ATF7IP: variants seen among roughly 807,000 people sequenced by gnomAD.
ATF7IP encodes activating transcription factor 7-interacting protein 1.
In ATF7IP, 23 loss-of-function variants were observed where a neutral mutation model predicts 106.4. The ratio of observed to expected loss-of-function variants is 0.22; its 90% CI spans 0.16 to 0.31. The LOEUF is 0.31. Among genes scored for constraint, ATF7IP ranks in the 10% least tolerant of loss-of-function variants. ATF7IP has a pLI of 1.00. For missense variants in ATF7IP, 1,334 were observed against 1,524.3 expected (o/e 0.88, Z 2.08); for synonymous variants, 542 against 539.0 (o/e 1.01, Z -0.08).
chr12:14,384,896 C>G (rs1475817897), intron 1 of ATF7IP, among the ~76,000 whole-genome samples: 3 of 145,156 alleles, frequency 2.1e-5, no homozygotes, highest in Non-Finnish European at 3.0e-5. Context: ...AGGCCTTGAG[C>G]AAGGTTTAAC....
intron 1 of ATF7IP, among the ~76,000 whole-genome samples, chr12:14,378,255 G>A (rs1461295535): frequency 6.6e-6 from 1 of 151,764 alleles, no homozygotes; most frequent in Non-Finnish European, 1.5e-5. Context: ...ATGCCACCAC[G>A]CCCAGCTAAT....
At chr12:14,415,961 C>G (rs1027945100) in intron 1 of ATF7IP, among the ~76,000 whole-genome samples, 1 of 152,074 alleles carries the variant, frequency 6.6e-6, no homozygotes, top group Non-Finnish European at 1.5e-5. Context: ...CCCACAAATA[C>G]TGATGGACAT....
intron 13 of ATF7IP, among the ~76,000 whole-genome samples, chr12:14,491,307 G>A (rs1044362573): frequency 2.6e-5 from 4 of 152,120 alleles, no homozygotes; most frequent in African/African-American, 7.2e-5. Context: ...TCCACTAGAC[G>A]TTGTGCTTAT....
At chr12:14,490,615 T>C (rs1431858766) in intron 13 of ATF7IP, among the ~76,000 whole-genome samples, 1 of 152,132 alleles carries the variant, frequency 6.6e-6, no homozygotes, top group Non-Finnish European at 1.5e-5. Flanking sequence ...GGTGCCTGCA[T>C]ATGGTGCAGA....
intron 1 of ATF7IP, among the ~76,000 whole-genome samples, chr12:14,383,978 T>C (rs1939107460): frequency 6.6e-6 from 1 of 152,164 alleles, no homozygotes; most frequent in Non-Finnish European, 1.5e-5. Flanking sequence ...AGTTGTTACA[T>C]ACATTATTCA....
At chr12:14,410,072 A>G (rs1227155094) in intron 1 of ATF7IP, among the ~76,000 whole-genome samples, 1 of 152,060 alleles carries the variant, frequency 6.6e-6, no homozygotes, top group Non-Finnish European at 1.5e-5. Context: ...TTAGCAGCCA[A>G]CCGTTATTTC....
chr12:14,399,340 G>C (rs1836533442), intron 1 of ATF7IP, among the ~76,000 whole-genome samples: 1 of 147,204 alleles, frequency 6.8e-6, no homozygotes. Context: ...TGAGGATATT[G>C]TTTTTTTTTT....
At chr12:14,448,272 G>A (rs1943063357) in intron 6 of ATF7IP, among the ~76,000 whole-genome samples, 1 of 152,152 alleles carries the variant, frequency 6.6e-6, no homozygotes. Context: ...CTTCCCCTGA[G>A]TGGTGAAATC....
rs779806858 is a variant in ATF7IP at position 14,425,462 on chromosome 12, C to T, written c.1547C>T (p.Thr516Met). 5.8e-6 allele frequency: 9 copies of T among 1,550,680 alleles called. No individual in the cohort carries two copies. The highest frequency in any genetic ancestry group is 4.2e-5 in the African/African-American group (3 of 72,248). Residue 516 changes from threonine (T) to methionine (M), a missense_variant, in exon 2 of 15, where the codon ACG (threonine) becomes ATG (methionine). Coordinates refer to ENST00000261168, the MANE Select transcript of ATF7IP (RefSeq NM_018179.5). ...TCTGAAGTTATATCGCAAAATGAAA[C>T]GTGCTCTCCAGGTTAGCATATAACT... ...DESEVISQNETCSPAEVESNE... is the reference protein window; with the variant it reads ...DESEVISQNEMCSPAEVESNE...
chr12:14,493,383 A>G (rs987384796), intron 13 of ATF7IP, among the ~76,000 whole-genome samples: 18 of 152,336 alleles, frequency 1.2e-4, no homozygotes, highest in African/African-American at 2.4e-5. Context: ...TAGTGTAGTT[A>G]TACATCTAGA....
At chr12:14,469,378 A>G (rs768618332) in intron 10 of ATF7IP, among the ~76,000 whole-genome samples, 1 of 151,432 alleles carries the variant, frequency 6.6e-6, no homozygotes, top group African/African-American at 2.4e-5. Flanking sequence ...AAAAAAAAAA[A>G]AAAAACTTGG....
chr12:14,479,397 A>G (rs1266533673), intron 12 of ATF7IP, among the ~76,000 whole-genome samples: 1 of 152,166 alleles, frequency 6.6e-6, no homozygotes, highest in African/African-American at 2.4e-5. Flanking sequence ...TAAACTGTTC[A>G]GAAACCAATC....
intron 1 of ATF7IP, among the ~76,000 whole-genome samples, chr12:14,370,447 CA>C (rs991074160): frequency 4.4e-4 from 67 of 152,242 alleles, no homozygotes; most frequent in African/African-American, 1.5e-3. Context: ...TACCCACTCA[CA>C]ATTCTATTTT....
chr12:14,497,836 T>C lies in ATF7IP; in HGVS notation c.3576T>C (p.Thr1192=), dbSNP rs776951503. The stretch of plus-strand genomic sequence containing the variant: ...TGGAGGTGGATCGAAGCTGTGCCAC[T>C]GTTGATAGCTACCATCTCTATGCTT... The part of the protein sequence containing the change: ...SVLEVDRSCA[T]VDSYHLYAYH... Residue 1192 remains threonine (T), a synonymous_variant, in exon 15 of 15, where the codon ACT becomes ACC. Transcript: ENST00000261168. The C allele has an allele frequency of 6.2e-7, 1 of 1,614,158 alleles. No individual in the cohort carries two copies. Among genetic ancestry groups the C allele is most frequent in the East Asian group, 2.2e-5 (1 of 44,866 alleles).
At chr12:14,495,886 G>A (rs1317794253) in intron 13 of ATF7IP, among the ~76,000 whole-genome samples, 1 of 152,122 alleles carries the variant, frequency 6.6e-6, no homozygotes, top group Non-Finnish European at 1.5e-5. Context: ...AGTTCTCCTG[G>A]TAACGATCCA....
chr12:14,481,600 T>C, intron 13 of ATF7IP: 1 of 435,882 alleles, frequency 2.3e-6, no homozygotes, highest in Admixed American at 2.7e-5. Flanking sequence ...TTATTTTTCT[T>C]CCCTTAGGAG....
Position 14,475,876 on chromosome 12 carries a change from GT to G in ATF7IP, c.2863-10del, listed in dbSNP as rs773667374. The G allele has an allele frequency of 2.5e-6, 4 of 1,599,478 alleles. No homozygotes were observed. The highest frequency in any genetic ancestry group is 3.4e-6 in the Non-Finnish European group (4 of 1,174,674). ...AGAGTTTTCTTTGTAAAATGTAGAA[GT>G]TTTGTTTTTCAGTGTGGAAAAGCCA... On this transcript the variant is annotated splice_polypyrimidine_tract_variant and intron_variant, in intron 10 of 14. Coordinates refer to ENST00000261168, the MANE Select transcript of ATF7IP (RefSeq NM_018179.5).
At chr12:14,372,089 ACT>A (rs1340264266) in intron 1 of ATF7IP, among the ~76,000 whole-genome samples, 1 of 151,942 alleles carries the variant, frequency 6.6e-6, no homozygotes, top group Non-Finnish European at 1.5e-5. Flanking sequence ...CTTTAGTGGA[ACT>A]CTCTTTTAAA....
At chr12:14,383,849 A>T (rs985137638) in intron 1 of ATF7IP, among the ~76,000 whole-genome samples, 6 of 152,212 alleles carry the variant, frequency 3.9e-5, no homozygotes, top group African/African-American at 1.2e-4. Context: ...GGTGTGAAGC[A>T]CTGTGCTTGG....
Sources: gnomAD v4.1 joint callset for allele counts (sites outside exome capture counted in the v4.1 genomes callset) on GRCh38, gnomAD v4.1.1 for gene constraint, MANE v1.5 for transcripts, NCBI Gene and HGNC (gene_info 2026-07-23, HGNC 2026-07-21) for gene names.